The following BZW2 variants were observed in gnomAD, a reference collection of about 807,000 sequenced individuals.
BZW2 encodes the protein eIF5-mimic protein 1.
Under a neutral mutation model 53.2 loss-of-function variants are expected in BZW2, and 23 were observed. That is an observed-to-expected ratio of 0.43 (90% CI 0.31 to 0.61). BZW2 has a LOEUF of 0.61. Among genes scored for constraint, BZW2 ranks in the 20% least tolerant of loss-of-function variants. The pLI, the probability that BZW2 is intolerant of heterozygous loss-of-function variation, is 0.09. For missense variants in BZW2, 409 were observed against 503.1 expected, an observed-to-expected ratio of 0.81 and a Z score of 1.79; for synonymous variants, 227 against 186.4, an observed-to-expected ratio of 1.22 and a Z score of -1.77.
chr7:16,646,244 G>A lies in BZW2; in HGVS notation c.-52G>A, dbSNP rs1781857856. 1 of 336,924 alleles carries A rather than the reference G, an allele frequency of 3.0e-6. No homozygotes were observed. The highest frequency in any genetic ancestry group is 6.0e-6 in the Non-Finnish European group (1 of 165,358). The allele number at this position is 336,924 out of a possible 1,614,324, so 20.9% of individuals were successfully genotyped here. A position where few individuals can be genotyped will look rare whatever the true frequency, so the allele number is the denominator to read the frequency against. ...TGCTGCCGCTGCTGCTGCACGAATC[G>A]CCGCAGCCCCCAGCCTTGCGCGTCG... On this transcript the variant is annotated 5_prime_UTR_variant, in exon 1 of 12. Transcript: ENST00000258761.
At chr7:16,676,765 T>G (rs2128359607) in intron 3 of BZW2, among the ~76,000 whole-genome samples, 1 of 152,340 alleles carries the variant, frequency 6.6e-6, no homozygotes, top group East Asian at 1.9e-4. Context: ...TTTTGGTTCT[T>G]GCCAAAGTCA....
chr7:16,682,772 T>C lies in BZW2; in HGVS notation c.340-8T>C, dbSNP rs765371736. 1 of 1,548,492 alleles carries C rather than the reference T, an allele frequency of 6.5e-7. No homozygotes were observed. The highest frequency in any genetic ancestry group is 1.2e-5 in the South Asian group (1 of 82,910). On this transcript the variant is annotated splice_region_variant and splice_polypyrimidine_tract_variant and intron_variant, in intron 4 of 11. Transcript: ENST00000258761. ...TGACCTAATATTTAATGGTTGTTTT[T>C]TTTTTAGGTCTTCAATAAACTCATC... is the stretch of plus-strand genomic sequence containing the variant.
At chr7:16,656,095 GTA>G (rs922889438) in intron 1 of BZW2, among the ~76,000 whole-genome samples, 3 of 150,394 alleles carry the variant, frequency 2.0e-5, no homozygotes, top group Admixed American at 6.6e-5. Flanking sequence ...GTGTGTGTGT[GTA>G]TGTATATATA....
chr7:16,673,486 A>G (rs1245778564), intron 2 of BZW2, among the ~76,000 whole-genome samples: 2 of 152,212 alleles, frequency 1.3e-5, no homozygotes, highest in Admixed American at 6.5e-5. Context: ...GGCATTAAAG[A>G]GAATTTGCAA....
intron 1 of BZW2, among the ~76,000 whole-genome samples, chr7:16,659,578 T>C (rs2128352034): frequency 6.6e-6 from 1 of 152,300 alleles, no homozygotes; most frequent in South Asian, 2.1e-4. Flanking sequence ...ATGTTACTTG[T>C]TCTTTTAATT....
chr7:16,686,131 G>T, intron 6 of BZW2, 91 bp downstream of exon 6: 1 of 1,522,938 alleles, frequency 6.6e-7, no homozygotes, highest in South Asian at 1.2e-5. Context: ...TCTTTTTGGT[G>T]TCCTCTATTA....
At chr7:16,652,037 C>T (rs564807388) in intron 1 of BZW2, among the ~76,000 whole-genome samples, 40 of 152,262 alleles carry the variant, frequency 2.6e-4, no homozygotes, top group African/African-American at 9.4e-4. Context: ...GGATCAGGTT[C>T]TGGCCCCAAC....
chr7:16,674,229 C>T (rs950177931), intron 2 of BZW2, among the ~76,000 whole-genome samples, 183 bp from the exon 3 acceptor site: 5 of 152,138 alleles, frequency 3.3e-5, no homozygotes, highest in African/African-American at 1.2e-4. Flanking sequence ...AGAGACATCC[C>T]TTCTTATTCC....
At chr7:16,661,891 T>A (rs1358573373) in intron 1 of BZW2, among the ~76,000 whole-genome samples, 2 of 152,174 alleles carry the variant, frequency 1.3e-5, no homozygotes, top group African/African-American at 4.8e-5. Context: ...GATTTGTCTC[T>A]GAGGATACTG....
intron 2 of BZW2, among the ~76,000 whole-genome samples, chr7:16,672,601 C>T (rs147154627): frequency 6.6e-6 from 1 of 152,172 alleles, no homozygotes; most frequent in Non-Finnish European, 1.5e-5. Context: ...TCTCTCCTCA[C>T]ATCCAGACTT....
At chr7:16,654,473 A>G (rs17169567) in intron 1 of BZW2, among the ~76,000 whole-genome samples, 19,984 of 149,414 alleles carry the variant, frequency 0.13, 1,424 homozygotes, top group East Asian at 0.2. Flanking sequence ...ATGAGAAAAG[A>G]TGGTAGAATT....
intron 8 of BZW2, among the ~76,000 whole-genome samples, chr7:16,695,273 T>C (rs1256270315): frequency 6.6e-6 from 1 of 152,236 alleles, no homozygotes; most frequent in Non-Finnish European, 1.5e-5. Flanking sequence ...TCAAAATATT[T>C]CATCTGTCAA....
chr7:16,655,602 A>C (rs1782103230), intron 1 of BZW2, among the ~76,000 whole-genome samples: 1 of 152,162 alleles, frequency 6.6e-6, no homozygotes, highest in African/African-American at 2.4e-5. Flanking sequence ...CTATTGTGCA[A>C]TAGAACACTA....
Position 16,689,804 on chromosome 7 carries a change from G to T in BZW2, c.549G>T (p.Ala183=). ...FTDSLVKEGI[A]ASFAVKLFKA... ...TCTTTTGTTTTTCAACAGGCATTGC[G>T]GCCTCATTTGCTGTCAAGCTTTTCA... is the stretch of plus-strand genomic sequence containing the variant. Residue 183 remains alanine, a synonymous_variant, in exon 7 of 12, where the codon GCG becomes GCT. Transcript: ENST00000258761. 6.2e-7 allele frequency: 1 copy of T among 1,604,842 alleles called. No homozygotes were observed. Among genetic ancestry groups the T allele is most frequent in the Non-Finnish European group, 8.5e-7 (1 of 1,174,860 alleles).
chr7:16,668,185 G>A (rs184029988), intron 2 of BZW2, among the ~76,000 whole-genome samples: 27 of 152,262 alleles, frequency 1.8e-4, no homozygotes, highest in African/African-American at 6.0e-4. Flanking sequence ...TTATTAGTGT[G>A]ACGCTAATTC....
chr7:16,670,135 G>A (rs1218687131), intron 2 of BZW2, among the ~76,000 whole-genome samples: 2 of 152,112 alleles, frequency 1.3e-5, no homozygotes, highest in Admixed American at 1.3e-4. Context: ...ACAATTATTA[G>A]TCCTTTCGGT....
At chr7:16,704,786 CT>C in intron 11 of BZW2, 117 bp downstream of exon 11, 1 of 1,101,700 alleles carries the variant, frequency 9.1e-7, no homozygotes, top group East Asian at 2.7e-5. Flanking sequence ...CTAGAGTTAT[CT>C]TTCGTATCAA....
At chr7:16,671,866 GGTTA>G (rs948683540) in intron 2 of BZW2, among the ~76,000 whole-genome samples, 27 of 144,742 alleles carry the variant, frequency 1.9e-4, no homozygotes, top group African/African-American at 6.6e-4. Flanking sequence ...AGGAGGCAGA[GGTTA>G]TGGTGAGCCA....
intron 11 of BZW2, 132 bp downstream of exon 11, chr7:16,704,801 T>C (rs937002632): frequency 5.1e-5 from 49 of 964,406 alleles, no homozygotes; most frequent in African/African-American, 2.1e-4. Context: ...GTATCAAACA[T>C]TTTGCCAACA....
Sources: allele counts gnomAD v4.1 joint callset (sites outside exome capture counted in the v4.1 genomes callset), GRCh38; gene constraint gnomAD v4.1.1; transcripts MANE v1.5; gene names NCBI Gene and HGNC (gene_info 2026-07-23, HGNC 2026-07-21).